NINL: variants seen among roughly 807,000 people sequenced by gnomAD.
The protein encoded by NINL is ninein-like protein.
Under a neutral mutation model 160.3 loss-of-function variants are expected in NINL, and 153 were observed. The ratio of observed to expected loss-of-function variants is 0.95; its 90% CI spans 0.84 to 1.09. NINL has a LOEUF of 1.09. NINL is among the 50% of genes least tolerant of loss of function. The pLI is 0.00. For missense variants in NINL, 1,829 were observed against 1,764.0 expected, an observed-to-expected ratio of 1.04 and a Z score of -0.66; for synonymous variants, 800 against 734.8, an observed-to-expected ratio of 1.09 and a Z score of -1.43.
Position 25,455,675 on chromosome 20 carries a change from G to T in NINL, c.3955C>A (p.Gln1319Lys), listed in dbSNP as rs759262045. 3 of 1,611,066 alleles carry T rather than the reference G, an allele frequency of 1.9e-6. No individual in the cohort carries two copies. The highest frequency in any genetic ancestry group is 2.2e-5 in the South Asian group (2 of 91,020). The change falls in exon 23 of 24, where the codon CAG (glutamine) becomes AAG (lysine). Residue 1319 changes from glutamine to lysine, a missense_variant and splice_region_variant. Coordinates refer to ENST00000278886, the MANE Select transcript of NINL (RefSeq NM_025176.6). ...LQEKVDKLKEQFEKNTKSDLL... is the reference protein window; with the variant it reads ...LQEKVDKLKEKFEKNTKSDLL... ...AAGCAGCAGCGCCCATCACTCACCT[G>T]CTCCTTCAGCTTATCCACTTTCTCT...
intron 13 of NINL, among the ~76,000 whole-genome samples, chr20:25,488,050 AG>A (rs2063538942): frequency 6.6e-6 from 1 of 152,198 alleles, no homozygotes; most frequent in Non-Finnish European, 1.5e-5. Context: ...TGTGCCAAGG[AG>A]GGTGGTGGTC....
chr20:25,464,810 G>T (rs422424), intron 19 of NINL, among the ~76,000 whole-genome samples: 1 of 151,964 alleles, frequency 6.6e-6, no homozygotes, highest in African/African-American at 2.4e-5. Flanking sequence ...CAGCTTCTGT[G>T]TCTCATGACT....
Position 25,526,459 on chromosome 20 carries a change from C to T in NINL, c.129G>A (p.Gln43=). ...TQLCLKLHLE[Q]QLPVLLQTLL... Reference sequence around the variant, plus strand: ...GCGTCTGCAGGAGGACGGGCAGCTGCTGCTCCAGGTGAAGCTTAAGGCAGA... The same window carrying T: ...GCGTCTGCAGGAGGACGGGCAGCTGTTGCTCCAGGTGAAGCTTAAGGCAGA... Residue 43 remains glutamine, a synonymous_variant, in exon 2 of 24, where the codon CAG becomes CAA. Transcript: ENST00000278886. 1 of 1,614,098 alleles carries T rather than the reference C, an allele frequency of 6.2e-7. No individual in the cohort carries two copies. Among genetic ancestry groups the T allele is most frequent in the Middle Eastern group, 1.7e-4 (1 of 6,050 alleles).
At chr20:25,537,155 C>G (rs950496580) in intron 1 of NINL, among the ~76,000 whole-genome samples, 1 of 152,138 alleles carries the variant, frequency 6.6e-6, no homozygotes, top group South Asian at 2.1e-4. Context: ...TTGATCACGG[C>G]TCACTGCATC....
At chr20:25,470,872 T>C (rs771670959) in intron 17 of NINL, among the ~76,000 whole-genome samples, 2 of 152,120 alleles carry the variant, frequency 1.3e-5, no homozygotes, top group African/African-American at 4.8e-5. Flanking sequence ...TTAAGACCCA[T>C]ACTTGCTACC....
chr20:25,470,404 G>C (rs2063067455), intron 17 of NINL, among the ~76,000 whole-genome samples: 1 of 152,214 alleles, frequency 6.6e-6, no homozygotes. Flanking sequence ...TGCATCTATG[G>C]CCTCTCACCA....
At chr20:25,533,716 G>A (rs1326212179) in intron 1 of NINL, among the ~76,000 whole-genome samples, 1 of 152,168 alleles carries the variant, frequency 6.6e-6, no homozygotes, top group Non-Finnish European at 1.5e-5. Context: ...AGGGAAAACT[G>A]CAGATATCCA....
intron 1 of NINL, among the ~76,000 whole-genome samples, chr20:25,540,667 T>C (rs965387948): frequency 1.3e-5 from 2 of 151,978 alleles, no homozygotes; most frequent in Non-Finnish European, 2.9e-5. Context: ...CCTTTGAGGG[T>C]GTTCCTTTTT....
chr20:25,575,819 G>A (rs1207661820), intron 1 of NINL, among the ~76,000 whole-genome samples: 1 of 150,926 alleles, frequency 6.6e-6, no homozygotes, highest in South Asian at 2.1e-4. Context: ...TCCCTCACTC[G>A]GCTGGCTTCA....
At position 25,494,139 on chromosome 20, in the gene NINL, C is replaced by G. The variant is rs73335346; in HGVS notation, c.1310+2524G>C. Reference sequence around the variant, plus strand: ...AGTACCCCCACTACACCCCACAGGCCCCACACACACTCACAGCACCCACAT... The same window carrying G: ...AGTACCCCCACTACACCCCACAGGCGCCACACACACTCACAGCACCCACAT... On this transcript the variant is annotated intron_variant, in intron 10 of 23. Coordinates refer to ENST00000278886, the MANE Select transcript of NINL (RefSeq NM_025176.6). Among the ~76,000 whole-genome samples, 80 of 149,808 alleles carry G rather than the reference C, an allele frequency of 5.3e-4. 1 individual carries two copies. Among genetic ancestry groups the G allele is most frequent in the African/African-American group, 2.0e-3 (80 of 40,538 alleles).
intron 1 of NINL, among the ~76,000 whole-genome samples, chr20:25,580,546 G>A (rs890823501): frequency 6.6e-6 from 1 of 152,172 alleles, no homozygotes; most frequent in Non-Finnish European, 1.5e-5. Context: ...GAGGATGATG[G>A]AAGGCTCCAT....
rs138287626 is a variant in NINL at position 25,454,502 on chromosome 20, G to A, written c.3958-860C>T. ...GGGACCGGGGGCACCAGTAGGGGAG[G>A]AAGCTGGGCAAGGACGGGTGGCCCC... is the stretch of plus-strand genomic sequence containing the variant. On this transcript the variant is annotated intron_variant, in intron 23 of 23. Coordinates refer to ENST00000278886, the MANE Select transcript of NINL (RefSeq NM_025176.6). 7.6e-4 allele frequency among the ~76,000 whole-genome samples: 115 copies of A among 152,300 alleles called. 1 individual carries two copies. In the East Asian group the frequency reaches 0.021, roughly 28 times the overall value.
At position 25,453,188 on chromosome 20, in the gene NINL, G is replaced by C; in HGVS notation, c.*263C>G. On this transcript the variant is annotated 3_prime_UTR_variant, in exon 24 of 24. Transcript: ENST00000278886. ...AGCTCCCAGGATCTGGCTCCAGAGA[G>C]TGGCAAAACTGGGAATTTTGCCAAG... 3.0e-6 allele frequency: 1 copy of C among 338,404 alleles called. No homozygotes were observed. The highest frequency in any genetic ancestry group is 8.5e-5 in the South Asian group (1 of 11,812). The allele number at this position is 338,404 out of a possible 1,614,324, so 21.0% of individuals were successfully genotyped here.
At chr20:25,457,657 G>T (rs562594274) in intron 22 of NINL, among the ~76,000 whole-genome samples, 1 of 152,186 alleles carries the variant, frequency 6.6e-6, no homozygotes, top group Non-Finnish European at 1.5e-5. Flanking sequence ...CCTTTCTCAT[G>T]AGGGTGTCCC....
At chr20:25,496,381 T>C (rs2063752510) in intron 10 of NINL, among the ~76,000 whole-genome samples, 1 of 152,128 alleles carries the variant, frequency 6.6e-6, no homozygotes, top group African/African-American at 2.4e-5. Flanking sequence ...AAGGCTTGGC[T>C]TATGTGAGAA....
In NINL at chr20:25,458,402, C is replaced by G. The variant is rs1182476073; in HGVS notation, c.3824G>C (p.Arg1275Thr). The change falls in exon 22 of 24, where the codon AGG (arginine) becomes ACG (threonine). Residue 1275 changes from arginine (R) to threonine (T), a missense_variant. Coordinates refer to ENST00000278886, the MANE Select transcript of NINL (RefSeq NM_025176.6). ...LLSLQGEQAR[R>T]RLDAQREEHE... ...ACTTACCCGCTGTGCATCCAGGCGC[C>G]TCCTGGCCTGCTCTCCCTGAAGGCT... 1 of 1,606,754 alleles carries G rather than the reference C, an allele frequency of 6.2e-7. No individual in the cohort carries two copies. Among genetic ancestry groups the G allele is most frequent in the Non-Finnish European group, 8.5e-7 (1 of 1,179,984 alleles).
chr20:25,476,095 C>G lies in NINL; in HGVS notation c.3196G>C (p.Glu1066Gln). 6.2e-7 allele frequency: 1 copy of G among 1,614,012 alleles called. No individual in the cohort carries two copies. Among genetic ancestry groups the G allele is most frequent in the Non-Finnish European group, 8.5e-7 (1 of 1,179,858 alleles). ...DDMETKLLHL[E>Q]DVVRALEKHV... ...TTCTCCAGAGCCCGGACGACGTCTTCCAGATGTAGAAGTTTGGTTTCCATG... is the reference window on the plus strand; with the variant it reads ...TTCTCCAGAGCCCGGACGACGTCTTGCAGATGTAGAAGTTTGGTTTCCATG... The change falls in exon 17 of 24, where the codon GAA becomes CAA. Residue 1066 changes from glutamate (E) to glutamine (Q), a missense_variant. Coordinates refer to ENST00000278886, the MANE Select transcript of NINL (RefSeq NM_025176.6).
chr20:25,460,701 C>G (rs1220661015), intron 21 of NINL, among the ~76,000 whole-genome samples: 6 of 152,176 alleles, frequency 3.9e-5, no homozygotes. Flanking sequence ...GGGGTCCATG[C>G]CCAGCTGACC....
At chr20:25,490,796 G>A (rs2063614694) in intron 11 of NINL, among the ~76,000 whole-genome samples, 1 of 152,044 alleles carries the variant, frequency 6.6e-6, no homozygotes, top group African/African-American at 2.4e-5. Flanking sequence ...CTCTCCTCCC[G>A]GGAGGTGGGG....
Sources: allele counts gnomAD v4.1 joint callset (sites outside exome capture counted in the v4.1 genomes callset), GRCh38; gene constraint gnomAD v4.1.1; transcripts MANE v1.5; gene names NCBI Gene and HGNC (gene_info 2026-07-23, HGNC 2026-07-21).